ARHGAP24: variants seen among roughly 807,000 people sequenced by gnomAD.
ARHGAP24 encodes Rho GTPase activating protein 24.
A neutral mutation model predicts 76.4 loss-of-function variants in ARHGAP24; 50 were observed. The ratio of observed to expected loss-of-function variants is 0.65; its 90% CI spans 0.52 to 0.83. ARHGAP24 has a LOEUF of 0.83. ARHGAP24 is among the 40% of genes least tolerant of loss of function. The pLI, the probability that ARHGAP24 is intolerant of heterozygous loss-of-function variation, is 0.00. For missense variants in ARHGAP24, 930 were observed against 914.2 expected, an observed-to-expected ratio of 1.02 and a Z score of -0.22; for synonymous variants, 345 against 323.3, an observed-to-expected ratio of 1.07 and a Z score of -0.72.
At chr4:85,736,165 C>T (rs768975451) in intron 3 of ARHGAP24, among the ~76,000 whole-genome samples, 1 of 152,142 alleles carries the variant, frequency 6.6e-6, no homozygotes, top group African/African-American at 2.4e-5. Context: ...AGAAAAGAAA[C>T]TCAATCCTCC....
intron 3 of ARHGAP24, among the ~76,000 whole-genome samples, chr4:85,738,638 C>T (rs1263684899): frequency 6.6e-6 from 1 of 152,002 alleles, no homozygotes; most frequent in South Asian, 2.1e-4. Flanking sequence ...AAATCAAGAT[C>T]ATGAAAGTTT....
chr4:85,886,269 A>G (rs1733562119), intron 3 of ARHGAP24, among the ~76,000 whole-genome samples: 2 of 152,300 alleles, frequency 1.3e-5, no homozygotes, highest in Admixed American at 1.3e-4. Context: ...ATATAATCAT[A>G]CAACAACGTT....
At chr4:85,933,509 G>A (rs1736463959) in intron 4 of ARHGAP24, among the ~76,000 whole-genome samples, 1 of 152,056 alleles carries the variant, frequency 6.6e-6, no homozygotes, top group Non-Finnish European at 1.5e-5. Context: ...TTCTTTGTTT[G>A]GATACTAATT....
intron 1 of ARHGAP24, among the ~76,000 whole-genome samples, chr4:85,493,758 G>A (rs1451025371): frequency 1.3e-5 from 2 of 152,130 alleles, no homozygotes; most frequent in Non-Finnish European, 2.9e-5. Context: ...AAAAATCTGG[G>A]TGTTACTTGT....
intron 3 of ARHGAP24, among the ~76,000 whole-genome samples, chr4:85,743,162 T>C (rs1314855551): frequency 1.3e-5 from 2 of 151,748 alleles, no homozygotes; most frequent in African/African-American, 4.8e-5. Context: ...CAAATTATCA[T>C]ATAATTCAGC....
intron 3 of ARHGAP24, among the ~76,000 whole-genome samples, chr4:85,792,316 T>A (rs1054978658): frequency 3.3e-5 from 5 of 152,084 alleles, no homozygotes; most frequent in African/African-American, 1.2e-4. Flanking sequence ...TGAAGAAACA[T>A]CCTAAAATCA....
chr4:85,696,580 C>A (rs1723873163), intron 2 of ARHGAP24, among the ~76,000 whole-genome samples: 1 of 152,080 alleles, frequency 6.6e-6, no homozygotes. Flanking sequence ...ATTTTTAATG[C>A]CTGTAATGCT....
intron 2 of ARHGAP24, among the ~76,000 whole-genome samples, chr4:85,672,752 A>T (rs1187562486): frequency 1.3e-5 from 2 of 152,130 alleles, no homozygotes; most frequent in African/African-American, 4.8e-5. Context: ...CTGGGGAAAA[A>T]ACTTTATTTG....
chr4:85,748,171 T>C lies in ARHGAP24; in HGVS notation c.268+26199T>C, dbSNP rs910576218. Among the ~76,000 whole-genome samples the C allele has an allele frequency of 5.9e-5, 9 of 152,230 alleles. No homozygotes were observed. The South Asian group carries it at 1.0e-3, about 18-fold the overall frequency. On this transcript the variant is annotated intron_variant, in intron 3 of 9. Coordinates refer to ENST00000395184, the MANE Select transcript of ARHGAP24 (RefSeq NM_001025616.3). ...CAAGTGCTTTTGGCTTTGATGTCTT[T>C]AACACCAGTGAGCAACCTGGCCATC...
intron 3 of ARHGAP24, among the ~76,000 whole-genome samples, chr4:85,848,505 A>C (rs758482177): frequency 9.8e-5 from 15 of 152,294 alleles, no homozygotes; most frequent in Middle Eastern, 3.4e-3. Context: ...ATTACAAAGG[A>C]TATGAACTCA....
intron 5 of ARHGAP24, among the ~76,000 whole-genome samples, chr4:85,954,660 A>G (rs1341299725): frequency 1.3e-5 from 2 of 152,162 alleles, no homozygotes; most frequent in Non-Finnish European, 2.9e-5. Context: ...GCTCGGCAGC[A>G]CATATACTAA....
At chr4:85,862,844 A>G (rs1731978496) in intron 3 of ARHGAP24, among the ~76,000 whole-genome samples, 1 of 152,120 alleles carries the variant, frequency 6.6e-6, no homozygotes, top group South Asian at 2.1e-4. Flanking sequence ...CTCCCCAAAT[A>G]TATTTCACAT....
At chr4:85,850,415 A>AT (rs1380265951) in intron 3 of ARHGAP24, among the ~76,000 whole-genome samples, 4 of 151,914 alleles carry the variant, frequency 2.6e-5, no homozygotes, top group South Asian at 2.1e-4. Context: ...GGATTCATTG[A>AT]TTTTTTTGAA....
At chr4:85,605,059 A>T (rs1720147230) in intron 2 of ARHGAP24, among the ~76,000 whole-genome samples, 1 of 152,158 alleles carries the variant, frequency 6.6e-6, no homozygotes, top group Admixed American at 6.5e-5. Context: ...TTACATATAC[A>T]CACAAATAAC....
At chr4:85,738,669 G>A (rs1390314479) in intron 3 of ARHGAP24, among the ~76,000 whole-genome samples, 2 of 152,184 alleles carry the variant, frequency 1.3e-5, no homozygotes, top group East Asian at 1.9e-4. Context: ...TTTCTTTTAA[G>A]AGTTTTATAA....
At position 85,974,926 on chromosome 4, in the gene ARHGAP24, A is replaced by G; in HGVS notation, c.771A>G (p.Pro257=). The G allele has an allele frequency of 1.2e-6, 2 of 1,613,952 alleles. No individual in the cohort carries two copies. The change falls in exon 7 of 10, where the codon CCA becomes CCG. Residue 257 remains proline (P), a synonymous_variant. Coordinates refer to ENST00000395184, the MANE Select transcript of ARHGAP24 (RefSeq NM_001025616.3). The stretch of plus-strand genomic sequence containing the variant: ...TAGCAAAGCAGGTGAAGAGTTTGCC[A>G]GTGGTAAATTACAACCTCCTCAAGT... The part of the protein sequence containing the change: ...KELAKQVKSL[P]VVNYNLLKYI...
intron 5 of ARHGAP24, among the ~76,000 whole-genome samples, chr4:85,970,622 A>G (rs1365045786): frequency 6.6e-6 from 1 of 152,166 alleles, no homozygotes; most frequent in Admixed American, 6.5e-5. Context: ...ATATAATTTC[A>G]TACAGTTGGC....
chr4:85,667,016 C>G (rs1268887680), intron 2 of ARHGAP24, among the ~76,000 whole-genome samples: 1 of 152,132 alleles, frequency 6.6e-6, no homozygotes, highest in African/African-American at 2.4e-5. Flanking sequence ...AGAACCACTG[C>G]TCTCTTCAAA....
intron 3 of ARHGAP24, among the ~76,000 whole-genome samples, chr4:85,743,116 A>G (rs1389589300): frequency 6.6e-6 from 1 of 152,162 alleles, no homozygotes; most frequent in East Asian, 1.9e-4. Flanking sequence ...CAGATTCACC[A>G]GAAAGAAATT....
Sources: gnomAD v4.1 joint callset for allele counts (sites outside exome capture counted in the v4.1 genomes callset) on GRCh38, gnomAD v4.1.1 for gene constraint, MANE v1.5 for transcripts, NCBI Gene and HGNC (gene_info 2026-07-23, HGNC 2026-07-21) for gene names.